The following LSAMP variants were observed in gnomAD, a reference collection of about 807,000 sequenced individuals.
LSAMP encodes the protein limbic system associated membrane protein, also known as limbic system-associated membrane protein.
Under a neutral mutation model 38.6 loss-of-function variants are expected in LSAMP, and 7 were observed. The ratio of observed to expected loss-of-function variants is 0.18; its 90% CI spans 0.10 to 0.34. The LOEUF is 0.34. Ranked by LOEUF, LSAMP falls within the 10% of genes least tolerant of loss-of-function variation. The pLI is 1.00. For synonymous variants in LSAMP, 154 were observed against 166.8 expected, an observed-to-expected ratio of 0.92 and a Z score of 0.59; for missense variants, 313 against 420.0, an observed-to-expected ratio of 0.75 and a Z score of 2.23.
chr3:115,829,054 G>A (rs1488051965), intron 6 of LSAMP, among the ~76,000 whole-genome samples: 1 of 152,172 alleles, frequency 6.6e-6, no homozygotes, highest in Non-Finnish European at 1.5e-5. Context: ...GAAGCTAAAT[G>A]TAAATTTTGA....
At chr3:115,994,858 C>T (rs563826605) in intron 3 of LSAMP, among the ~76,000 whole-genome samples, 1 of 152,180 alleles carries the variant, frequency 6.6e-6, no homozygotes, top group Non-Finnish European at 1.5e-5. Flanking sequence ...TGATAACAGG[C>T]ATTTGCATGT....
chr3:116,276,512 G>A (rs2047053609), intron 1 of LSAMP, among the ~76,000 whole-genome samples: 1 of 151,928 alleles, frequency 6.6e-6, no homozygotes, highest in African/African-American at 2.4e-5. Context: ...AATGGACTTT[G>A]GGGACTTGCA....
chr3:116,203,124 C>T (rs1270803891), intron 1 of LSAMP, among the ~76,000 whole-genome samples: 1 of 152,084 alleles, frequency 6.6e-6, no homozygotes, highest in African/African-American at 2.4e-5. Flanking sequence ...TTTTATTTTC[C>T]TTTCATGTCT....
intron 1 of LSAMP, among the ~76,000 whole-genome samples, chr3:116,412,716 A>T (rs2048996371): frequency 6.6e-6 from 1 of 152,088 alleles, no homozygotes; most frequent in African/African-American, 2.4e-5. Flanking sequence ...TAATGTTATT[A>T]TTTAACATCG....
chr3:115,820,931 C>T (rs1049726967), intron 6 of LSAMP, among the ~76,000 whole-genome samples: 3 of 152,126 alleles, frequency 2.0e-5, no homozygotes, highest in African/African-American at 7.2e-5. Flanking sequence ...GCCTTATTTC[C>T]CAAATCCTGG....
chr3:116,135,465 G>T (rs1709227043), intron 1 of LSAMP, among the ~76,000 whole-genome samples: 1 of 152,168 alleles, frequency 6.6e-6, no homozygotes, highest in African/African-American at 2.4e-5. Context: ...AGACTGAACT[G>T]TTAACTACTA....
intron 2 of LSAMP, among the ~76,000 whole-genome samples, chr3:116,034,529 A>G (rs1941004354): frequency 6.6e-6 from 1 of 152,152 alleles, no homozygotes; most frequent in South Asian, 2.1e-4. Context: ...CAGAAAGCAC[A>G]GTGCCTAGTT....
intron 1 of LSAMP, among the ~76,000 whole-genome samples, chr3:116,343,245 C>A (rs768117683): frequency 1.3e-5 from 2 of 152,074 alleles, no homozygotes; most frequent in Non-Finnish European, 2.9e-5. Flanking sequence ...AGTCAGACAT[C>A]TGCTGTAGAG....
At chr3:116,116,688 G>A (rs1386732700) in intron 1 of LSAMP, among the ~76,000 whole-genome samples, 4 of 151,916 alleles carry the variant, frequency 2.6e-5, no homozygotes, top group Admixed American at 2.0e-4. Flanking sequence ...CTGCACTCCA[G>A]TCTGGCAACA....
chr3:116,168,013 T>C (rs1710102275), intron 1 of LSAMP, among the ~76,000 whole-genome samples: 1 of 152,186 alleles, frequency 6.6e-6, no homozygotes, highest in Non-Finnish European at 1.5e-5. Flanking sequence ...AAACCAACTC[T>C]GTCCCAACAG....
chr3:116,144,699 G>T (rs1324446576), intron 1 of LSAMP, among the ~76,000 whole-genome samples: 1 of 151,300 alleles, frequency 6.6e-6, no homozygotes, highest in African/African-American at 2.4e-5. Flanking sequence ...TTTTCATTTG[G>T]CTACATTTCA....
intron 2 of LSAMP, among the ~76,000 whole-genome samples, chr3:116,024,014 T>A (rs1401417966): frequency 6.6e-6 from 1 of 152,198 alleles, no homozygotes; most frequent in Non-Finnish European, 1.5e-5. Flanking sequence ...TCCTTACTTG[T>A]TTACGAAAGA....
intron 3 of LSAMP, among the ~76,000 whole-genome samples, chr3:115,854,061 G>T (rs1300285038): frequency 6.6e-6 from 1 of 151,660 alleles, no homozygotes; most frequent in Non-Finnish European, 1.5e-5. Flanking sequence ...CAACTCTCTG[G>T]ATATTCCAAG....
intron 1 of LSAMP, among the ~76,000 whole-genome samples, chr3:116,190,263 A>G (rs1257224395): frequency 6.6e-6 from 1 of 152,130 alleles, no homozygotes; most frequent in African/African-American, 2.4e-5. Context: ...GTAATTAAGC[A>G]TCTATACTTG....
chr3:116,126,233 A>G (rs1310377919), intron 1 of LSAMP, among the ~76,000 whole-genome samples: 2 of 152,204 alleles, frequency 1.3e-5, no homozygotes, highest in Non-Finnish European at 2.9e-5. Flanking sequence ...TGTAAACTCA[A>G]CCTGAATCTC....
chr3:116,085,496 T>G (rs1260271313), intron 2 of LSAMP, among the ~76,000 whole-genome samples: 1 of 152,198 alleles, frequency 6.6e-6, no homozygotes, highest in African/African-American at 2.4e-5. Context: ...CAAGAATACA[T>G]GAACACAGCC....
In LSAMP at chr3:116,118,288, C is replaced by T. The variant is rs528014887; in HGVS notation, c.156-31732G>A. 1.6e-4 allele frequency among the ~76,000 whole-genome samples: 24 copies of T among 152,246 alleles called. No individual in the cohort carries two copies. The South Asian group carries it at 4.4e-3, about 28-fold the overall frequency. ...AATTTCTCTTATTTTAATTGCTCCC[C>T]ATCCCAACCCCAACCTTCCTTCCTT... On this transcript the variant is annotated intron_variant, in intron 1 of 6. Coordinates refer to ENST00000490035, the MANE Select transcript of LSAMP (RefSeq NM_002338.5).
chr3:116,108,556 C>A (rs1417953741), intron 1 of LSAMP, among the ~76,000 whole-genome samples: 1 of 152,176 alleles, frequency 6.6e-6, no homozygotes, highest in Non-Finnish European at 1.5e-5. Context: ...TACGGTGTTT[C>A]CGAGGCAATT....
At chr3:115,992,487 C>T (rs1576289767) in intron 3 of LSAMP, among the ~76,000 whole-genome samples, 3 of 152,102 alleles carry the variant, frequency 2.0e-5, no homozygotes, top group African/African-American at 4.8e-5. Context: ...CTTCTATTAT[C>T]GGGGTTAAAC....
Sources: allele counts gnomAD v4.1 joint callset (sites outside exome capture counted in the v4.1 genomes callset), GRCh38; gene constraint gnomAD v4.1.1; transcripts MANE v1.5; gene names NCBI Gene and HGNC (gene_info 2026-07-23, HGNC 2026-07-21).